Variants in TMEM132B observed in about 807,000 individuals in gnomAD.
TMEM132B encodes the protein transmembrane protein 132B.
Under a neutral mutation model 90.8 loss-of-function variants are expected in TMEM132B, and 18 were observed. The observed-to-expected ratio is 0.20, with a 90% CI of 0.14 to 0.29. The LOEUF is 0.29. TMEM132B is among the 10% of genes least tolerant of loss of function. The pLI, the probability that TMEM132B is intolerant of heterozygous loss-of-function variation, is 1.00. For synonymous variants in TMEM132B, 504 were observed against 523.3 expected (o/e 0.96, Z 0.50); for missense variants, 1,096 against 1,326.8 (o/e 0.83, Z 2.70).
intron 5 of TMEM132B, among the ~76,000 whole-genome samples, chr12:125,610,048 T>C (rs1304476112): frequency 5.3e-5 from 8 of 152,008 alleles, no homozygotes; most frequent in Non-Finnish European, 1.0e-4. Flanking sequence ...TCATTGCTAT[T>C]CTATAGAAAT....
intron 4 of TMEM132B, among the ~76,000 whole-genome samples, chr12:125,520,853 G>A: frequency 6.6e-6 from 1 of 152,198 alleles, no homozygotes; most frequent in East Asian, 1.9e-4. Context: ...TTTGTTGAAT[G>A]AATGAATGGA....
At chr12:125,516,109 TCACA>T (rs918818590) in intron 3 of TMEM132B, among the ~76,000 whole-genome samples, 2 of 150,768 alleles carry the variant, frequency 1.3e-5, no homozygotes, top group Non-Finnish European at 3.0e-5. Context: ...ACACACACTA[TCACA>T]CACACACTAT....
At chr12:125,439,028 C>T (rs1880784645) in intron 3 of TMEM132B, among the ~76,000 whole-genome samples, 1 of 152,136 alleles carries the variant, frequency 6.6e-6, no homozygotes, top group African/African-American at 2.4e-5. Flanking sequence ...TTCTTACACA[C>T]AAAATCTTCA....
chr12:125,531,510 C>T (rs890657189), intron 4 of TMEM132B, among the ~76,000 whole-genome samples: 2 of 152,106 alleles, frequency 1.3e-5, no homozygotes, highest in African/African-American at 4.8e-5. Flanking sequence ...TTTGTGTCAC[C>T]CTGATGTCAT....
Position 125,324,516 on chromosome 12 carries a change from G to A in TMEM132B, c.68-24936G>A, listed in dbSNP as rs562520083. Among the ~76,000 whole-genome samples, 4 of 152,302 alleles carry A rather than the reference G, an allele frequency of 2.6e-5. No individual in the cohort carries two copies. The South Asian group carries it at 8.3e-4, about 32-fold the overall frequency. On this transcript the variant is annotated intron_variant, in intron 1 of 8. Coordinates refer to ENST00000682704, the MANE Select transcript of TMEM132B (RefSeq NM_001366854.1). ...CAGGGTTCCCCAACCCCTAGGCCACGGACTGGTACTGGTCTGTGGCCTGTT... is the reference window on the plus strand; with the variant it reads ...CAGGGTTCCCCAACCCCTAGGCCACAGACTGGTACTGGTCTGTGGCCTGTT...
At chr12:125,609,518 A>G (rs1885774277) in intron 5 of TMEM132B, among the ~76,000 whole-genome samples, 1 of 151,988 alleles carries the variant, frequency 6.6e-6, no homozygotes, top group South Asian at 2.1e-4. Context: ...CCACCTTAAG[A>G]ATATTGGATC....
rs1593080585 is a variant in TMEM132B, at chr12:125,314,276, T to C, written c.68-35176T>C. On this transcript the variant is annotated intron_variant, in intron 1 of 8. Transcript: ENST00000682704. ...GAAACAGTAACGAGGGCTCACCTTC[T>C]TGGAATGTGGAGATTTTGACAAAGA... Among the ~76,000 whole-genome samples the C allele has an allele frequency of 3.3e-5, 5 of 152,312 alleles. No homozygotes were observed. In the South Asian group the frequency reaches 1.0e-3, roughly 32 times the overall value.
In TMEM132B at chr12:125,233,846, G is replaced by A. The variant is rs79063342; in HGVS notation, c.67+46980G>A. Among the ~76,000 whole-genome samples, 159 of 152,264 alleles carry A rather than the reference G, an allele frequency of 1.0e-3. 2 individuals carry two copies. The highest frequency in any genetic ancestry group is 3.3e-3 in the African/African-American group (138 of 41,534). ...CTGGAGCCTGAACCTCCAGGTCAGCGGACTCTCTCTTATTCAACTGCCTCC... is the reference window on the plus strand; with the variant it reads ...CTGGAGCCTGAACCTCCAGGTCAGCAGACTCTCTCTTATTCAACTGCCTCC... On this transcript the variant is annotated intron_variant, in intron 1 of 8. Transcript: ENST00000682704.
chr12:125,343,055 A>C (rs554327827), intron 1 of TMEM132B, among the ~76,000 whole-genome samples: 15 of 152,246 alleles, frequency 9.9e-5, no homozygotes, highest in Non-Finnish European at 1.9e-4. Flanking sequence ...TCCAGGGTAC[A>C]ATAAAGGGAT....
intron 3 of TMEM132B, among the ~76,000 whole-genome samples, chr12:125,419,919 A>G (rs570241521): frequency 6.6e-6 from 1 of 152,226 alleles, no homozygotes; most frequent in Non-Finnish European, 1.5e-5. Flanking sequence ...TCTGAAATCC[A>G]GTGGGGCACT....
chr12:125,222,221 A>G (rs1010642172), intron 1 of TMEM132B, among the ~76,000 whole-genome samples: 3 of 152,198 alleles, frequency 2.0e-5, no homozygotes, highest in Non-Finnish European at 2.9e-5. Flanking sequence ...CTTATTTGCT[A>G]TATAGTTTAA....
At chr12:125,427,964 G>A (rs972348783) in intron 3 of TMEM132B, among the ~76,000 whole-genome samples, 3 of 151,306 alleles carry the variant, frequency 2.0e-5, no homozygotes, top group Non-Finnish European at 4.4e-5. Flanking sequence ...ACAAACGAAG[G>A]GTAACTTGCC....
chr12:125,653,765 G>T lies in TMEM132B; in HGVS notation c.2307G>T (p.Met769Ile). Residue 769 changes from methionine (M) to isoleucine (I), a missense_variant, in exon 9 of 9, where the codon ATG becomes ATT. Coordinates refer to ENST00000682704, the MANE Select transcript of TMEM132B (RefSeq NM_001366854.1). ...GGCCTTTGATTAAGTTAGAAATGAT[G>T]ATAAGTGAACCTTGTCAGAAGACCA... ...GQGPLIKLEM[M>I]ISEPCQKTKR... The T allele has an allele frequency of 6.2e-7, 1 of 1,614,220 alleles. No individual in the cohort carries two copies. Among genetic ancestry groups the T allele is most frequent in the Non-Finnish European group, 8.5e-7 (1 of 1,180,042 alleles).
intron 4 of TMEM132B, among the ~76,000 whole-genome samples, chr12:125,579,170 ATTTTAAT>A (rs1279920498): frequency 6.6e-6 from 1 of 151,736 alleles, no homozygotes; most frequent in African/African-American, 2.4e-5. Flanking sequence ...TCTCATTTTA[ATTTTAAT>A]TAGCCTATCT....
At chr12:125,471,267 C>T (rs1053910722) in intron 3 of TMEM132B, among the ~76,000 whole-genome samples, 3 of 152,072 alleles carry the variant, frequency 2.0e-5, no homozygotes, top group South Asian at 2.1e-4. Context: ...TGCTGTGGTC[C>T]GGGGGTGTGG....
At chr12:125,301,754 C>G (rs374366378) in intron 1 of TMEM132B, 1 of 152,224 alleles carries the variant, frequency 6.6e-6, no homozygotes, top group Non-Finnish European at 1.5e-5. Context: ...TGGCGGGCAC[C>G]GGTAGTCCCA....
chr12:125,590,183 A>G (rs901963336), intron 5 of TMEM132B, among the ~76,000 whole-genome samples: 1 of 152,080 alleles, frequency 6.6e-6, no homozygotes, highest in Non-Finnish European at 1.5e-5. Context: ...GAGCTAGTTA[A>G]ATCACTTTTC....
chr12:125,596,875 T>C (rs1181147489), intron 5 of TMEM132B, among the ~76,000 whole-genome samples: 1 of 152,248 alleles, frequency 6.6e-6, no homozygotes, highest in Non-Finnish European at 1.5e-5. Context: ...GAAGCACAGT[T>C]GTAGGCAGAG....
intron 2 of TMEM132B, among the ~76,000 whole-genome samples, chr12:125,363,722 G>A (rs1878034001): frequency 6.6e-6 from 1 of 152,132 alleles, no homozygotes; most frequent in Admixed American, 6.5e-5. Flanking sequence ...GTTACATGAG[G>A]AAACTGAGGC....
Sources: allele counts gnomAD v4.1 joint callset (sites outside exome capture counted in the v4.1 genomes callset), GRCh38; gene constraint gnomAD v4.1.1; transcripts MANE v1.5; gene names NCBI Gene and HGNC (gene_info 2026-07-23, HGNC 2026-07-21).